Variants in CHPT1 observed in about 807,000 individuals in gnomAD.
The protein encoded by CHPT1 is cholinephosphotransferase 1.
CHPT1 carries 36 observed loss-of-function variants against 47.6 expected under a neutral mutation model. The ratio of observed to expected loss-of-function variants is 0.76; its 90% CI spans 0.58 to 1.00. CHPT1 has a LOEUF of 1.00. Among genes scored for constraint, CHPT1 ranks in the 50% least tolerant of loss-of-function variants. The pLI is 0.00. For missense variants in CHPT1, 458 were observed against 498.1 expected (o/e 0.92, Z 0.77); for synonymous variants, 194 against 186.3 (o/e 1.04, Z -0.33).
At position 101,728,682 on chromosome 12, in the gene CHPT1, TAGAG is replaced by T. The variant is rs370467855; in HGVS notation, c.1177-215_1177-212del. ...ATCGTCTTTATTTAATTGACAGTGT[TAGAG>T]AGAAAAATTCACTATCATTACTAAA... is the stretch of plus-strand genomic sequence containing the variant. On this transcript the variant is annotated intron_variant, in intron 8 of 8. Coordinates refer to ENST00000229266, the MANE Select transcript of CHPT1 (RefSeq NM_020244.3). The T allele has an allele frequency of 7.4e-3, 3,821 of 519,402 alleles. 20 individuals are homozygous for T. The highest frequency in any genetic ancestry group is 0.029 in the Middle Eastern group (53 of 1,842). The allele number at this position is 519,402 out of a possible 1,614,324, so 32.2% of individuals were successfully genotyped here.
chr12:101,716,522 C>T (rs548951298), intron 3 of CHPT1, among the ~76,000 whole-genome samples: 2 of 152,192 alleles, frequency 1.3e-5, no homozygotes, highest in African/African-American at 2.4e-5. Context: ...CTGCATATAC[C>T]GTTACCTATG....
In CHPT1 at chr12:101,697,975, C is replaced by A; in HGVS notation, c.114C>A (p.Gly38=). The change falls in exon 1 of 9, where the codon GGC becomes GGA. Residue 38 remains glycine, a synonymous_variant. Transcript: ENST00000229266. ...AGGAGCACCGCTACAGCGCGGCGGG[C>A]GTCTCGCTGCTCGAGCCGCCGCTGC... The part of the protein sequence containing the change: ...RLEEHRYSAA[G]VSLLEPPLQL... 1 of 1,508,454 alleles carries A rather than the reference C, an allele frequency of 6.6e-7. No individual in the cohort carries two copies. The highest frequency in any genetic ancestry group is 1.3e-5 in the South Asian group (1 of 79,468). 93.4% of individuals were successfully genotyped at this position (1,508,454 alleles called of 1,614,324 possible). A position where few individuals can be genotyped will look rare whatever the true frequency, so the allele number is the denominator to read the frequency against.
In CHPT1 at chr12:101,697,878, G is replaced by C; in HGVS notation, c.17G>C (p.Gly6Ala). 2 of 1,205,430 alleles carry C rather than the reference G, an allele frequency of 1.7e-6. No homozygotes were observed. The highest frequency in any genetic ancestry group is 2.1e-6 in the Non-Finnish European group (2 of 971,966). The allele number at this position is 1,205,430 out of a possible 1,614,324, so 74.7% of individuals were successfully genotyped here. The change falls in exon 1 of 9, where the codon GGG (glycine) becomes GCG (alanine). Residue 6 changes from glycine (G) to alanine (A), a missense_variant. Physicochemically the swap from Gly to Ala is moderately conservative, Grantham distance 60 (BLOSUM62 0). Coordinates refer to ENST00000229266, the MANE Select transcript of CHPT1 (RefSeq NM_020244.3). MAAGA[G>A]AGSAPRWLRA... ...CAGGCGGCCATGGCGGCAGGCGCCG[G>C]GGCCGGGTCCGCGCCGCGCTGGCTG...
In CHPT1 at chr12:101,729,000, A is replaced by G; in HGVS notation, c.*55A>G. 1 of 1,613,506 alleles carries G rather than the reference A, an allele frequency of 6.2e-7. No individual in the cohort carries two copies. The highest frequency in any genetic ancestry group is 8.5e-7 in the Non-Finnish European group (1 of 1,179,664). On this transcript the variant is annotated 3_prime_UTR_variant, in exon 9 of 9. Coordinates refer to ENST00000229266, the MANE Select transcript of CHPT1 (RefSeq NM_020244.3). The stretch of plus-strand genomic sequence containing the variant: ...CTGCTGCTGTTTCATGGAAGGAGAT[A>G]TTAAACATTTGTTTAATTTTTATTT...
At chr12:101,721,454 T>A (rs1314487135) in intron 5 of CHPT1, among the ~76,000 whole-genome samples, 2 of 152,238 alleles carry the variant, frequency 1.3e-5, no homozygotes. Flanking sequence ...AAAGTCTCAT[T>A]CTTTTAAAAG....
intron 5 of CHPT1, among the ~76,000 whole-genome samples, chr12:101,721,079 C>T (rs1380195497): frequency 6.6e-6 from 1 of 151,968 alleles, no homozygotes; most frequent in African/African-American, 2.4e-5. Context: ...GTCAAGAGTT[C>T]GAGACCAGCC....
At chr12:101,706,827 A>G (rs535643830) in intron 1 of CHPT1, among the ~76,000 whole-genome samples, 2 of 152,368 alleles carry the variant, frequency 1.3e-5, no homozygotes, top group East Asian at 1.9e-4. Context: ...TTCATTAACT[A>G]AAGATGATAA....
chr12:101,707,733 G>C (rs1421431503), intron 1 of CHPT1, among the ~76,000 whole-genome samples: 1 of 152,136 alleles, frequency 6.6e-6, no homozygotes, highest in East Asian at 1.9e-4. Context: ...TTGGGTATGT[G>C]GGGGGCAGGT....
chr12:101,727,651 C>T (rs1195427279), intron 8 of CHPT1: 2 of 152,052 alleles, frequency 1.3e-5, no homozygotes, highest in East Asian at 3.8e-4. Context: ...CTTATTTTGC[C>T]TCTAACTAAC....
At chr12:101,701,609 T>A (rs963703649) in intron 1 of CHPT1, among the ~76,000 whole-genome samples, 4 of 152,342 alleles carry the variant, frequency 2.6e-5, no homozygotes, top group African/African-American at 9.6e-5. Context: ...GCTTTGTAGC[T>A]CTCCTGTGGA....
intron 5 of CHPT1, 33 bp downstream of exon 5, chr12:101,720,287 T>G: frequency 6.4e-7 from 1 of 1,557,216 alleles, no homozygotes; most frequent in East Asian, 2.3e-5. Flanking sequence ...CAGTGTCAAT[T>G]TTATGATACA....
chr12:101,723,696 A>C, intron 6 of CHPT1, 26 bp from the exon 7 acceptor site: 3 of 1,354,164 alleles, frequency 2.2e-6, no homozygotes, highest in Non-Finnish European at 2.0e-6. Flanking sequence ...TTAATAGTAA[A>C]ATTATTTTGT....
chr12:101,717,322 C>A (rs1470758447), intron 4 of CHPT1: 1 of 452,870 alleles, frequency 2.2e-6, no homozygotes, highest in Non-Finnish European at 4.4e-6. Context: ...TCTTAGGAGG[C>A]CACTGTCATA....
chr12:101,719,472 C>T, intron 4 of CHPT1: 4 of 1,103,050 alleles, frequency 3.6e-6, no homozygotes, highest in Non-Finnish European at 4.9e-6. Flanking sequence ...TTTTTAAATC[C>T]TTTGCTGCCT....
rs1438201506 is a variant in CHPT1 at position 101,708,706 on chromosome 12, C to CT, written c.274-5384_274-5383insT. 4.0e-5 allele frequency among the ~76,000 whole-genome samples: 5 copies of CT among 124,710 alleles called. 1 individual carries two copies. Among genetic ancestry groups the CT allele is most frequent in the East Asian group, 2.5e-4 (1 of 4,020 alleles). 81.8% of individuals were successfully genotyped at this position (124,710 alleles called of 152,430 possible). ...CTGCCTCCTGGGTTCAAGCAATTCTCGTGCCTCAGCCTCCTGAGTAGCTGG... is the reference window on the plus strand; with the variant it reads ...CTGCCTCCTGGGTTCAAGCAATTCTCTGTGCCTCAGCCTCCTGAGTAGCTGG... On this transcript the variant is annotated intron_variant, in intron 1 of 8. Transcript: ENST00000229266.
chr12:101,723,009 C>A (rs928143734), intron 5 of CHPT1, among the ~76,000 whole-genome samples, 159 bp from the exon 6 acceptor site: 1 of 152,176 alleles, frequency 6.6e-6, no homozygotes, highest in Non-Finnish European at 1.5e-5. Context: ...TTCTATGAAA[C>A]CTTGGAAAGC....
intron 8 of CHPT1, chr12:101,727,331 A>G (rs1951979016): frequency 6.6e-6 from 1 of 152,126 alleles, no homozygotes; most frequent in Non-Finnish European, 1.5e-5. Context: ...ACTGATACTT[A>G]TCTTTCCACT....
At chr12:101,718,663 T>G (rs1028148620) in intron 4 of CHPT1, among the ~76,000 whole-genome samples, 30 of 149,298 alleles carry the variant, frequency 2.0e-4, no homozygotes, top group African/African-American at 6.7e-4. Context: ...GACCCCATCT[T>G]TAAAAAAAAA....
intron 4 of CHPT1, among the ~76,000 whole-genome samples, chr12:101,718,877 G>A (rs1189585253): frequency 2.0e-5 from 3 of 151,858 alleles, no homozygotes; most frequent in Non-Finnish European, 4.4e-5. Context: ...GGGATGCTAT[G>A]CGTTTTTTGT....
Sources: allele counts gnomAD v4.1 joint callset (sites outside exome capture counted in the v4.1 genomes callset), GRCh38; gene constraint gnomAD v4.1.1; transcripts MANE v1.5; gene names NCBI Gene and HGNC (gene_info 2026-07-23, HGNC 2026-07-21).